Variants in CTNNA2 observed in about 807,000 individuals in gnomAD.
The protein encoded by CTNNA2 is catenin alpha-2.
Under a neutral mutation model 101.0 loss-of-function variants are expected in CTNNA2, and 42 were observed. The observed-to-expected ratio is 0.42, with a 90% CI of 0.32 to 0.54. CTNNA2 has a LOEUF of 0.54. CTNNA2 is among the 20% of genes least tolerant of loss of function. The pLI is 0.14. For synonymous variants in CTNNA2, 450 were observed against 456.4 expected (o/e 0.99, Z 0.18); for missense variants, 871 against 1,223.1 (o/e 0.71, Z 4.29).
At chr2:79,708,344 T>G (rs1319122205) in intron 2 of CTNNA2, among the ~76,000 whole-genome samples, 1 of 152,166 alleles carries the variant, frequency 6.6e-6, no homozygotes, top group Admixed American at 6.6e-5. Context: ...ATTGTTTTCC[T>G]TTTCACCCTA....
At chr2:80,047,385 C>G (rs964049692) in intron 7 of CTNNA2, among the ~76,000 whole-genome samples, 16 of 152,110 alleles carry the variant, frequency 1.1e-4, no homozygotes, top group Non-Finnish European at 1.9e-4. Flanking sequence ...ACACTAAGTA[C>G]TATAGGAGAG....
In CTNNA2 at chr2:79,693,205, A is replaced by G. The variant is rs867190450; in HGVS notation, c.102+41547A>G. Reference sequence around the variant, plus strand: ...GTTAAAATGTGTGGGAAGAAGTACAATTAAAGTCAATGCTTTGTGGCAATA... The same window carrying G: ...GTTAAAATGTGTGGGAAGAAGTACAGTTAAAGTCAATGCTTTGTGGCAATA... On this transcript the variant is annotated intron_variant, in intron 2 of 18. Transcript: ENST00000402739. 4.6e-5 allele frequency among the ~76,000 whole-genome samples: 7 copies of G among 152,010 alleles called. No homozygotes were observed. The South Asian group carries it at 1.2e-3, about 27-fold the overall frequency.
chr2:79,657,059 A>AG lies in CTNNA2; in HGVS notation c.102+5401_102+5402insG, dbSNP rs925384220. On this transcript the variant is annotated intron_variant, in intron 2 of 18. Coordinates refer to ENST00000402739, the MANE Select transcript of CTNNA2 (RefSeq NM_001282597.3). ...AACTATGAATCTTAAGGAATTAAAA[A>AG]AAATCAAAAGAAACTAGGAAAACAG... 2.0e-3 allele frequency among the ~76,000 whole-genome samples: 302 copies of AG among 151,752 alleles called. 2 individuals carry two copies. The highest frequency in any genetic ancestry group is 7.0e-3 in the African/African-American group (289 of 41,510).
intron 4 of CTNNA2, among the ~76,000 whole-genome samples, chr2:79,865,902 G>A (rs1682049489): frequency 6.6e-6 from 1 of 152,146 alleles, no homozygotes; most frequent in African/African-American, 2.4e-5. Flanking sequence ...TGTATTTTTA[G>A]TAGAGACTGA....
chr2:79,498,145 CA>C (rs2103798048), intron 4 of CTNNA2: 1 of 152,286 alleles, frequency 6.6e-6, no homozygotes, highest in South Asian at 2.1e-4. Flanking sequence ...TCCTCTTGGA[CA>C]AGAATATACC....
chr2:79,405,320 G>GTTTTTA (rs1048777865), intron 4 of CTNNA2, among the ~76,000 whole-genome samples: 6 of 151,896 alleles, frequency 4.0e-5, no homozygotes, highest in Admixed American at 3.3e-4. Flanking sequence ...CTGACAATTT[G>GTTTTTA]TTTTTATTTT....
chr2:79,820,887 G>T (rs1343694354), intron 3 of CTNNA2, among the ~76,000 whole-genome samples: 2 of 152,058 alleles, frequency 1.3e-5, no homozygotes, highest in Non-Finnish European at 1.5e-5. Flanking sequence ...CATGAGAAAG[G>T]GTTGTTCCAA....
At chr2:79,812,799 C>A (rs74549293) in intron 3 of CTNNA2, among the ~76,000 whole-genome samples, 2 of 152,138 alleles carry the variant, frequency 1.3e-5, no homozygotes, top group African/African-American at 4.8e-5. Flanking sequence ...TGATAGACCT[C>A]AGCTGTAAGC....
chr2:80,130,215 T>G (rs183892772), intron 7 of CTNNA2, among the ~76,000 whole-genome samples: 1 of 152,292 alleles, frequency 6.6e-6, no homozygotes, highest in African/African-American at 2.4e-5. Context: ...AAAGCTTATG[T>G]TTATTAAAGC....
intron 7 of CTNNA2, among the ~76,000 whole-genome samples, chr2:80,202,026 C>G (rs181955454): frequency 5.9e-5 from 9 of 152,308 alleles, no homozygotes; most frequent in Admixed American, 5.9e-4. Flanking sequence ...TTCTCATACT[C>G]TACTGCATTT....
intron 7 of CTNNA2, among the ~76,000 whole-genome samples, chr2:80,113,789 A>G (rs1301822980): frequency 6.6e-6 from 1 of 152,236 alleles, no homozygotes; most frequent in Non-Finnish European, 1.5e-5. Context: ...TATCATAAAT[A>G]TGCAAGTACT....
chr2:79,451,026 T>C (rs1670740929), intron 4 of CTNNA2, among the ~76,000 whole-genome samples: 1 of 152,058 alleles, frequency 6.6e-6, no homozygotes, highest in Non-Finnish European at 1.5e-5. Context: ...TCACCTAATG[T>C]GTACATCTGT....
At chr2:79,438,424 G>T (rs1678740877) in intron 4 of CTNNA2, among the ~76,000 whole-genome samples, 1 of 152,202 alleles carries the variant, frequency 6.6e-6, no homozygotes, top group Non-Finnish European at 1.5e-5. Flanking sequence ...TCCTATGAAA[G>T]AGCAACATCT....
intron 2 of CTNNA2, among the ~76,000 whole-genome samples, chr2:79,287,603 A>G (rs1161577891): frequency 1.3e-5 from 2 of 150,830 alleles, no homozygotes; most frequent in African/African-American, 4.9e-5. Flanking sequence ...CAGTCTGCCC[A>G]TTCTCAGATC....
At chr2:79,187,450 G>A (rs1184754264) in intron 1 of CTNNA2, among the ~76,000 whole-genome samples, 2 of 151,358 alleles carry the variant, frequency 1.3e-5, no homozygotes, top group African/African-American at 4.9e-5. Context: ...CCACAAGGAC[G>A]CTTATTTTTA....
intron 2 of CTNNA2, among the ~76,000 whole-genome samples, chr2:79,278,950 C>T (rs549086509): frequency 6.6e-6 from 1 of 152,172 alleles, no homozygotes; most frequent in South Asian, 2.1e-4. Flanking sequence ...TAGAAAGTGT[C>T]AGCTGGTCAG....
At chr2:80,559,878 T>TATCTATCTATCTATATATATA (rs1693393440) in intron 12 of CTNNA2, among the ~76,000 whole-genome samples, 2 of 113,936 alleles carry the variant, frequency 1.8e-5, no homozygotes, top group African/African-American at 6.1e-5. Flanking sequence ...GATATCATAT[T>TATCTATCTATCTATATATATA]TATATATATA....
intron 9 of CTNNA2, among the ~76,000 whole-genome samples, chr2:80,505,068 G>C (rs1688161900): frequency 6.6e-6 from 1 of 152,170 alleles, no homozygotes; most frequent in Non-Finnish European, 1.5e-5. Flanking sequence ...TGGCTAAGCA[G>C]AAGATTAAGC....
chr2:80,620,779 A>G (rs944292648), intron 18 of CTNNA2, among the ~76,000 whole-genome samples: 4 of 151,902 alleles, frequency 2.6e-5, no homozygotes, highest in African/African-American at 7.2e-5. Flanking sequence ...AATGTCTTTT[A>G]TCAACCCCTC....
Sources: allele counts gnomAD v4.1 joint callset (sites outside exome capture counted in the v4.1 genomes callset), GRCh38; gene constraint gnomAD v4.1.1; transcripts MANE v1.5; gene names NCBI Gene and HGNC (gene_info 2026-07-23, HGNC 2026-07-21).